Variants in DNAH9 observed in about 807,000 individuals in gnomAD.
DNAH9 encodes dynein axonemal heavy chain 9, also known as DNAH9 variant protein.
A neutral mutation model predicts 471.6 loss-of-function variants in DNAH9; 345 were observed. The observed-to-expected ratio is 0.73, with a 90% CI of 0.67 to 0.80. The LOEUF is 0.80. Among genes scored for constraint, DNAH9 ranks in the 30% least tolerant of loss-of-function variants. The pLI, the probability that DNAH9 is intolerant of heterozygous loss-of-function variation, is 0.00. For missense variants in DNAH9, 5,407 were observed against 5,609.2 expected (o/e 0.96, Z 1.15); for synonymous variants, 2,093 against 2,123.6 (o/e 0.99, Z 0.40).
chr17:11,918,316 C>G (rs908980306), intron 61 of DNAH9, among the ~76,000 whole-genome samples: 2 of 152,122 alleles, frequency 1.3e-5, no homozygotes, highest in African/African-American at 4.8e-5. Flanking sequence ...ATTGCCACCT[C>G]TACCTCCCAG....
intron 38 of DNAH9, among the ~76,000 whole-genome samples, chr17:11,777,137 A>G (rs11869100): frequency 0.21 from 32,460 of 152,152 alleles, 3,775 homozygotes; most frequent in African/African-American, 0.3. Flanking sequence ...CAAAATTTTT[A>G]GAGGAAAGAA....
In DNAH9 at chr17:11,755,803, G is replaced by A. The variant is rs899496728; in HGVS notation, c.6739-765G>A. ...TCACAAAGAAGGAATATATTAGTTC[G>A]TTTTCACACTGCTGATAAAGACATA... On this transcript the variant is annotated intron_variant, in intron 33 of 68. Transcript: ENST00000262442. Among the ~76,000 whole-genome samples the A allele has an allele frequency of 4.6e-5, 7 of 152,038 alleles. No individual in the cohort carries two copies. In the South Asian group the frequency reaches 8.3e-4, roughly 18 times the overall value.
intron 54 of DNAH9, among the ~76,000 whole-genome samples, chr17:11,880,514 C>A (rs578256564): frequency 6.6e-6 from 1 of 152,218 alleles, no homozygotes; most frequent in Admixed American, 6.5e-5. Flanking sequence ...CTTTTAAGTA[C>A]GAGCATCTTA....
At chr17:11,906,408 C>T (rs1466127638) in intron 61 of DNAH9, among the ~76,000 whole-genome samples, 1 of 152,022 alleles carries the variant, frequency 6.6e-6, no homozygotes, top group Non-Finnish European at 1.5e-5. Flanking sequence ...GGGTGAATCA[C>T]CTGAGGTCAG....
intron 67 of DNAH9, among the ~76,000 whole-genome samples, chr17:11,953,639 G>A (rs144498450): frequency 0.013 from 1,973 of 151,508 alleles, 27 homozygotes; most frequent in African/African-American, 0.027. Context: ...GTGAAACCCC[G>A]TCTCTACTAA....
intron 9 of DNAH9, among the ~76,000 whole-genome samples, chr17:11,639,730 C>T (rs1049537336): frequency 2.0e-5 from 3 of 152,192 alleles, no homozygotes; most frequent in Admixed American, 2.0e-4. Context: ...TCAATTGTGG[C>T]CAGGTGCAGC....
In DNAH9 at chr17:11,619,735, T is replaced by C. The variant is rs1213925695; in HGVS notation, c.1304T>C (p.Val435Ala). 6.2e-7 allele frequency: 1 copy of C among 1,614,062 alleles called. No homozygotes were observed. Among genetic ancestry groups the C allele is most frequent in the Admixed American group, 1.7e-5 (1 of 60,020 alleles). The change falls in exon 6 of 69, where the codon GTC (valine) becomes GCC (alanine). Residue 435 changes from valine to alanine, a missense_variant. Val to Ala is a moderately conservative substitution (Grantham distance 64). Coordinates refer to ENST00000262442, the MANE Select transcript of DNAH9 (RefSeq NM_001372.4). ...VKEWDFQSSL[V>A]FVRLDGFLGQ... The stretch of plus-strand genomic sequence containing the variant: ...GAATGGGATTTCCAGTCTTCTTTGG[T>C]CTTTGTGCGATTGGATGGCTTCCTG...
At chr17:11,715,194 G>A (rs926577858) in intron 26 of DNAH9, among the ~76,000 whole-genome samples, 5 of 152,134 alleles carry the variant, frequency 3.3e-5, no homozygotes, top group African/African-American at 1.2e-4. Context: ...TTATCTTCCA[G>A]TTGAATATCT....
chr17:11,604,748 C>T (rs902951255), intron 1 of DNAH9, among the ~76,000 whole-genome samples: 8 of 152,016 alleles, frequency 5.3e-5, no homozygotes, highest in Admixed American at 2.0e-4. Flanking sequence ...ATCCTATTGG[C>T]TATACCTTCA....
intron 28 of DNAH9, among the ~76,000 whole-genome samples, chr17:11,737,373 T>A (rs934917958): frequency 3.0e-5 from 4 of 131,306 alleles, no homozygotes; most frequent in Non-Finnish European, 4.8e-5. Flanking sequence ...ACAGCCCCAT[T>A]TCCACAGAAC....
intron 1 of DNAH9, among the ~76,000 whole-genome samples, chr17:11,601,121 T>A (rs1268724930): frequency 1.3e-5 from 2 of 152,250 alleles, no homozygotes; most frequent in African/African-American, 4.8e-5. Context: ...TCACCGCCTA[T>A]CGTCATATGC....
At chr17:11,871,511 G>A in intron 51 of DNAH9, 87 bp from the exon 52 acceptor site, 1 of 1,195,812 alleles carries the variant, frequency 8.4e-7, no homozygotes, top group Non-Finnish European at 1.2e-6. Context: ...TATGAAGCGT[G>A]CAGCGGGCGC....
intron 61 of DNAH9, among the ~76,000 whole-genome samples, chr17:11,918,046 C>T (rs1306490433): frequency 1.3e-5 from 2 of 152,168 alleles, no homozygotes; most frequent in Non-Finnish European, 2.9e-5. Context: ...CTCCTTTTCT[C>T]TCCAACGTTC....
intron 17 of DNAH9, among the ~76,000 whole-genome samples, chr17:11,674,845 A>C (rs1342007977): frequency 2.0e-5 from 3 of 152,192 alleles, no homozygotes; most frequent in African/African-American, 7.2e-5. Context: ...TCCCTTATCT[A>C]GCACTCATGA....
intron 59 of DNAH9, 44 bp from the exon 60 acceptor site, chr17:11,902,675 G>A: frequency 6.4e-7 from 1 of 1,570,806 alleles, no homozygotes; most frequent in Middle Eastern, 1.7e-4. Context: ...GCAAATGACA[G>A]CTTTCTGGAG....
intron 36 of DNAH9, among the ~76,000 whole-genome samples, chr17:11,764,437 A>T (rs1356677243): frequency 6.6e-6 from 1 of 152,232 alleles, no homozygotes; most frequent in African/African-American, 2.4e-5. Context: ...TTGTTACTAT[A>T]GGAACTTTCC....
At chr17:11,965,653 A>G (rs1251605148) in intron 68 of DNAH9, among the ~76,000 whole-genome samples, 1 of 152,250 alleles carries the variant, frequency 6.6e-6, no homozygotes, top group Non-Finnish European at 1.5e-5. Context: ...CTTGCTAGAC[A>G]AAGACTTTAA....
chr17:11,620,804 A>G (rs1041676658), intron 6 of DNAH9, among the ~76,000 whole-genome samples: 21 of 152,178 alleles, frequency 1.4e-4, no homozygotes, highest in Middle Eastern at 3.4e-3. Context: ...CCACTCCCCA[A>G]TCTCCAAGGC....
chr17:11,617,588 T>C lies in DNAH9; in HGVS notation c.1082T>C (p.Leu361Pro). 1 of 1,614,172 alleles carries C rather than the reference T, an allele frequency of 6.2e-7. No homozygotes were observed. The highest frequency in any genetic ancestry group is 1.1e-5 in the South Asian group (1 of 91,080). ...CGCTCCCCGGGAAGGCTGACTGTGC[T>C]GCTCCAGGAGATTTGCAACCTTCTC... The part of the protein sequence containing the change: ...SYRSPGRLTV[L>P]LQEICNLLIQ... Residue 361 changes from leucine to proline, a missense_variant, in exon 5 of 69, where the codon CTG becomes CCG. Around this residue, in one of 3 missense-constraint regions of DNAH9, gnomAD observed 767 missense variants for 692.5 expected, o/e 1.11. Transcript: ENST00000262442.
Sources: allele counts gnomAD v4.1 joint callset (sites outside exome capture counted in the v4.1 genomes callset), GRCh38; gene constraint gnomAD v4.1.1; regional missense constraint gnomAD v4.1.1; transcripts MANE v1.5; gene names NCBI Gene and HGNC (gene_info 2026-07-23, HGNC 2026-07-21).